Variants in ADAMTS6 observed in about 807,000 individuals in gnomAD.
ADAMTS6 encodes A disintegrin and metalloproteinase with thrombospondin motifs 6.
ADAMTS6 carries 23 observed loss-of-function variants against 144.3 expected under a neutral mutation model. The observed-to-expected ratio is 0.16, with a 90% CI of 0.11 to 0.23. The LOEUF (loss-of-function observed/expected upper bound fraction) is 0.23, where lower values mean the gene tolerates loss of function less well. Ranked by LOEUF, ADAMTS6 falls within the 10% of genes least tolerant of loss-of-function variation. ADAMTS6 has a pLI of 1.00. For synonymous variants in ADAMTS6, 444 were observed against 457.5 expected (o/e 0.97, Z 0.38); for missense variants, 999 against 1,379.6 (o/e 0.72, Z 4.37).
At chr5:65,159,716 A>G (rs1752640220) in intron 24 of ADAMTS6, among the ~76,000 whole-genome samples, 1 of 152,230 alleles carries the variant, frequency 6.6e-6, no homozygotes, top group South Asian at 2.1e-4. Context: ...ACCTTTGAGA[A>G]CAGGGAACCT....
rs140751902 is a variant in ADAMTS6, at chr5:65,205,664, G to T, written c.2576-8513C>A. On this transcript the variant is annotated intron_variant, in intron 20 of 24. Coordinates refer to ENST00000381055, the MANE Select transcript of ADAMTS6 (RefSeq NM_197941.4). The stretch of plus-strand genomic sequence containing the variant: ...TACCCAACTTTTTAAAGGGGCCAAG[G>T]CATGACAGATTCGTTAAAAGTAATC... Among the ~76,000 whole-genome samples the T allele has an allele frequency of 3.9e-4, 59 of 152,212 alleles. 1 individual carries two copies. In the South Asian group the frequency reaches 5.6e-3, roughly 14 times the overall value.
At chr5:65,193,125 T>C (rs1340347306) in intron 21 of ADAMTS6, among the ~76,000 whole-genome samples, 1 of 151,792 alleles carries the variant, frequency 6.6e-6, no homozygotes, top group Non-Finnish European at 1.5e-5. Context: ...ACATTAAAAA[T>C]AAAAAAAGAA....
rs1484574118 is a variant in ADAMTS6, at chr5:65,169,801, C to T, written c.3244+816G>A. Reference sequence around the variant, plus strand: ...TATCGCAAGATCAAAAAACCAAACACTGCATATTCTCACTCATAGGTGGGA... The same window carrying T: ...TATCGCAAGATCAAAAAACCAAACATTGCATATTCTCACTCATAGGTGGGA... On this transcript the variant is annotated intron_variant, in intron 24 of 24. Coordinates refer to ENST00000381055, the MANE Select transcript of ADAMTS6 (RefSeq NM_197941.4). 1.0e-4 allele frequency among the ~76,000 whole-genome samples: 15 copies of T among 149,840 alleles called. No homozygotes were observed. In the Admixed American group the frequency reaches 1.0e-3, roughly 10 times the overall value.
intron 22 of ADAMTS6, among the ~76,000 whole-genome samples, chr5:65,178,775 T>C (rs918657368): frequency 6.6e-5 from 10 of 152,206 alleles, no homozygotes; most frequent in Non-Finnish European, 1.2e-4. Context: ...TCAAAGGACA[T>C]CATTGGTTAA....
intron 12 of ADAMTS6, among the ~76,000 whole-genome samples, chr5:65,270,280 T>A (rs1195374385): frequency 6.6e-6 from 1 of 152,226 alleles, no homozygotes; most frequent in Non-Finnish European, 1.5e-5. Context: ...AGGTCTGGTT[T>A]ACTTTCCAAA....
chr5:65,321,907 G>T (rs1345811151), intron 9 of ADAMTS6, among the ~76,000 whole-genome samples: 1 of 151,370 alleles, frequency 6.6e-6, no homozygotes, highest in Non-Finnish European at 1.5e-5. Flanking sequence ...GAAGAGACGG[G>T]GTTTTGCCAT....
chr5:65,375,028 A>T (rs1751381123), intron 7 of ADAMTS6, among the ~76,000 whole-genome samples: 1 of 152,220 alleles, frequency 6.6e-6, no homozygotes, highest in Non-Finnish European at 1.5e-5. Flanking sequence ...CCTATTTAAT[A>T]AATGGTGCTG....
chr5:65,409,035 C>A (rs1023162895), intron 7 of ADAMTS6, among the ~76,000 whole-genome samples: 8 of 152,118 alleles, frequency 5.3e-5, no homozygotes, highest in Non-Finnish European at 1.2e-4. Context: ...TAAATGCCCA[C>A]AAGAGAAAGC....
chr5:65,158,521 A>G (rs371999578), intron 24 of ADAMTS6, among the ~76,000 whole-genome samples: 4 of 152,330 alleles, frequency 2.6e-5, no homozygotes, highest in African/African-American at 9.6e-5. Context: ...TATAAACTAC[A>G]AGGGAACTTG....
intron 7 of ADAMTS6, among the ~76,000 whole-genome samples, chr5:65,386,487 C>T (rs1752485152): frequency 6.6e-6 from 1 of 152,200 alleles, no homozygotes; most frequent in Admixed American, 6.5e-5. Flanking sequence ...CGTTGATTTA[C>T]ATTAACAACA....
intron 12 of ADAMTS6, among the ~76,000 whole-genome samples, chr5:65,263,414 T>TA (rs747254767): frequency 0.013 from 1,543 of 123,214 alleles, 16 homozygotes; most frequent in African/African-American, 0.026. Flanking sequence ...TGCTCTTTCT[T>TA]AAAAAAAAAA....
chr5:65,213,324 G>A (rs1756667038), intron 20 of ADAMTS6, among the ~76,000 whole-genome samples: 1 of 151,906 alleles, frequency 6.6e-6, no homozygotes, highest in South Asian at 2.1e-4. Context: ...GTTAATCATT[G>A]CTTTAATTCT....
At chr5:65,271,774 C>T (rs1049288742) in intron 12 of ADAMTS6, among the ~76,000 whole-genome samples, 1 of 151,976 alleles carries the variant, frequency 6.6e-6, no homozygotes, top group Admixed American at 6.6e-5. Context: ...TGTATTTCTT[C>T]TAAGTAGAGA....
chr5:65,252,536 T>G (rs1432244503), intron 14 of ADAMTS6, among the ~76,000 whole-genome samples: 1 of 151,284 alleles, frequency 6.6e-6, no homozygotes, highest in Non-Finnish European at 1.5e-5. Context: ...CCATTGTGCC[T>G]GGCAATTTTA....
At chr5:65,366,423 T>C (rs1453949278) in intron 7 of ADAMTS6, among the ~76,000 whole-genome samples, 1 of 152,158 alleles carries the variant, frequency 6.6e-6, no homozygotes, top group African/African-American at 2.4e-5. Flanking sequence ...TACCAAAATC[T>C]ACCAATGATA....
chr5:65,460,281 T>A lies in ADAMTS6; in HGVS notation c.520A>T (p.Thr174Ser). 1 of 1,614,054 alleles carries A rather than the reference T, an allele frequency of 6.2e-7. No homozygotes were observed. Among genetic ancestry groups the A allele is most frequent in the South Asian group, 1.1e-5 (1 of 91,064 alleles). ...EYFIEPLKNT[T>S]EDSKHFSYEN... ...TAACTAAAATGCTTGGAATCCTCTGTGGTATTCTTTAAAGGTTCGATAAAA... is the reference window on the plus strand; with the variant it reads ...TAACTAAAATGCTTGGAATCCTCTGAGGTATTCTTTAAAGGTTCGATAAAA... Residue 174 changes from threonine (T) to serine (S), a missense_variant, in exon 4 of 25, where the codon ACA becomes TCA. By Grantham distance (58) the Thr-to-Ser change is moderately conservative (BLOSUM62 1). Around this residue, in one of 3 missense-constraint regions of ADAMTS6, gnomAD observed 252 missense variants for 293.7 expected, o/e 0.86. Coordinates refer to ENST00000381055, the MANE Select transcript of ADAMTS6 (RefSeq NM_197941.4).
intron 24 of ADAMTS6, among the ~76,000 whole-genome samples, chr5:65,161,911 C>A (rs1240308060): frequency 6.6e-6 from 1 of 152,156 alleles, no homozygotes; most frequent in East Asian, 1.9e-4. Flanking sequence ...TAACATGAGT[C>A]ATACTTTGCA....
intron 1 of ADAMTS6, among the ~76,000 whole-genome samples, chr5:65,478,656 A>T (rs1193372427): frequency 1.3e-5 from 2 of 150,614 alleles, no homozygotes; most frequent in Non-Finnish European, 2.9e-5. Context: ...TTCCCTCAAA[A>T]ATGTGAAATA....
intron 7 of ADAMTS6, among the ~76,000 whole-genome samples, chr5:65,386,766 T>C (rs1752507045): frequency 6.6e-6 from 1 of 152,138 alleles, no homozygotes; most frequent in African/African-American, 2.4e-5. Flanking sequence ...TTTGTATTTT[T>C]AGTAGAGACA....
Sources: allele counts gnomAD v4.1 joint callset (sites outside exome capture counted in the v4.1 genomes callset), GRCh38; gene constraint gnomAD v4.1.1; regional missense constraint gnomAD v4.1.1; transcripts MANE v1.5; gene names NCBI Gene and HGNC (gene_info 2026-07-23, HGNC 2026-07-21).